Variants in RBFOX1 observed in about 807,000 individuals in gnomAD.
RBFOX1 encodes RNA binding fox-1 homolog 1, also known as RNA binding protein fox-1 homolog 1.
RBFOX1 carries 8 observed loss-of-function variants against 57.7 expected under a neutral mutation model. That is an observed-to-expected ratio of 0.14 (90% CI 0.08 to 0.25). The LOEUF is 0.25. Among genes scored for constraint, RBFOX1 ranks in the 10% least tolerant of loss-of-function variants. RBFOX1 has a pLI of 1.00. For missense variants in RBFOX1, 611 were observed against 548.5 expected (o/e 1.11, Z -1.14); for synonymous variants, 326 against 222.4 (o/e 1.47, Z -4.15).
At chr16:6,902,786 C>T (rs574053268) in intron 3 of RBFOX1, among the ~76,000 whole-genome samples, 17 of 152,258 alleles carry the variant, frequency 1.1e-4, no homozygotes, top group African/African-American at 3.9e-4. Flanking sequence ...CTCATCATGT[C>T]ATCAGAACCA....
At chr16:5,399,589 T>C (rs2066656431) in intron 1 of RBFOX1, among the ~76,000 whole-genome samples, 3 of 152,090 alleles carry the variant, frequency 2.0e-5, no homozygotes, top group African/African-American at 7.2e-5. Context: ...AAAAATTAGC[T>C]GGATGTGGTG....
At chr16:6,915,148 C>T (rs537129128) in intron 3 of RBFOX1, among the ~76,000 whole-genome samples, 1 of 152,192 alleles carries the variant, frequency 6.6e-6, no homozygotes, top group Non-Finnish European at 1.5e-5. Flanking sequence ...GCTCTCCAGA[C>T]TCGGGGTCAA....
At chr16:7,122,243 A>G (rs1378379001) in intron 4 of RBFOX1, among the ~76,000 whole-genome samples, 1 of 152,178 alleles carries the variant, frequency 6.6e-6, no homozygotes, top group Admixed American at 6.5e-5. Context: ...ATATTTGTAA[A>G]CCACTCTTGA....
chr16:6,017,275 A>G (rs1338444149), upstream of RBFOX1, among the ~76,000 whole-genome samples: 2 of 152,254 alleles, frequency 1.3e-5, no homozygotes, highest in Non-Finnish European at 1.5e-5. Context: ...TGCACAAAAC[A>G]GTATATTCCA....
intron 3 of RBFOX1, among the ~76,000 whole-genome samples, chr16:6,956,427 A>G (rs7499744): frequency 1.3e-5 from 2 of 152,092 alleles, no homozygotes; most frequent in Non-Finnish European, 2.9e-5. Context: ...TGAATACTTG[A>G]ATTTGTCAAG....
intron 1 of RBFOX1, among the ~76,000 whole-genome samples, chr16:5,397,879 T>A (rs570243919): frequency 3.3e-5 from 5 of 152,380 alleles, no homozygotes; most frequent in South Asian, 4.1e-4. Flanking sequence ...TGAATTGTCC[T>A]ATGTTCTATG....
At chr16:6,945,673 C>G (rs1199028856) in intron 3 of RBFOX1, among the ~76,000 whole-genome samples, 2 of 152,058 alleles carry the variant, frequency 1.3e-5, no homozygotes, top group Middle Eastern at 3.4e-3. Context: ...GGTGGATTAC[C>G]TGAGGTCAGG....
intron 1 of RBFOX1, among the ~76,000 whole-genome samples, chr16:6,131,103 A>G (rs2096626620): frequency 6.6e-6 from 1 of 152,158 alleles, no homozygotes. Context: ...AGAAAAAACA[A>G]ATTTATGGTG....
intron 4 of RBFOX1, among the ~76,000 whole-genome samples, chr16:7,459,819 C>T (rs1361427692): frequency 1.3e-5 from 2 of 152,100 alleles, no homozygotes; most frequent in East Asian, 3.9e-4. Context: ...CTTTTAGATG[C>T]TTACGGGCCA....
intron 2 of RBFOX1, among the ~76,000 whole-genome samples, chr16:6,490,372 A>G (rs949947089): frequency 6.6e-5 from 10 of 152,116 alleles, no homozygotes; most frequent in African/African-American, 2.2e-4. Flanking sequence ...AACATTTTGT[A>G]TTTTTCAAAA....
chr16:5,373,705 G>A (rs994746288), intron 1 of RBFOX1, among the ~76,000 whole-genome samples: 5 of 149,966 alleles, frequency 3.3e-5, no homozygotes, highest in African/African-American at 9.8e-5. Context: ...CCGGGTTCAG[G>A]CTATTCTCCT....
chr16:6,424,968 AT>A (rs1330519825), intron 2 of RBFOX1, among the ~76,000 whole-genome samples: 3 of 152,236 alleles, frequency 2.0e-5, no homozygotes, highest in African/African-American at 7.2e-5. Flanking sequence ...ACCAAACAGA[AT>A]ACAGGAAAAA....
intron 4 of RBFOX1, among the ~76,000 whole-genome samples, chr16:7,315,373 A>C (rs1043675126): frequency 1.3e-5 from 2 of 152,048 alleles, no homozygotes; most frequent in African/African-American, 4.8e-5. Flanking sequence ...TTAGGAAATA[A>C]ACATGTCATT....
At chr16:6,394,550 A>T (rs2092741172) in intron 2 of RBFOX1, among the ~76,000 whole-genome samples, 1 of 152,142 alleles carries the variant, frequency 6.6e-6, no homozygotes, top group Non-Finnish European at 1.5e-5. Flanking sequence ...TATGCAAAAG[A>T]AACGAGCTAG....
At chr16:5,943,517 C>T (rs1049258455) in intron 4 of RBFOX1, among the ~76,000 whole-genome samples, 40 of 152,126 alleles carry the variant, frequency 2.6e-4, no homozygotes, top group African/African-American at 9.7e-4. Flanking sequence ...CATCCTATGC[C>T]AGAAACAGGA....
chr16:5,485,865 C>G (rs1336251633), intron 2 of RBFOX1, among the ~76,000 whole-genome samples: 1 of 152,170 alleles, frequency 6.6e-6, no homozygotes, highest in Non-Finnish European at 1.5e-5. Context: ...TTACTGAACA[C>G]TGTGATCTTC....
chr16:5,746,094 C>G (rs1416426346), intron 3 of RBFOX1, among the ~76,000 whole-genome samples: 1 of 152,158 alleles, frequency 6.6e-6, no homozygotes, highest in Non-Finnish European at 1.5e-5. Flanking sequence ...AGTCTTGAAT[C>G]CATCTTGAAT....
rs182958312 is a variant in RBFOX1 at position 6,140,264 on chromosome 16, T to A, written c.-127+120272T>A. Among the ~76,000 whole-genome samples, 10 of 151,920 alleles carry A rather than the reference T, an allele frequency of 6.6e-5. No individual in the cohort carries two copies. In the East Asian group the frequency reaches 1.7e-3, roughly 26 times the overall value. ...TGGAGTGCAGTGACTCAATCTTGGC[T>A]CACTGCAGCCTCCACCTCCTGGGTT... On this transcript the variant is annotated intron_variant, in intron 1 of 15. Transcript: ENST00000550418.
At chr16:7,226,984 C>T (rs1002971015) in intron 4 of RBFOX1, among the ~76,000 whole-genome samples, 5 of 152,160 alleles carry the variant, frequency 3.3e-5, no homozygotes, top group African/African-American at 1.2e-4. Context: ...GGCTTGTCTT[C>T]ATCTCTCCAG....
Sources: allele counts gnomAD v4.1 joint callset (sites outside exome capture counted in the v4.1 genomes callset), GRCh38; gene constraint gnomAD v4.1.1; transcripts MANE v1.5; gene names NCBI Gene and HGNC (gene_info 2026-07-23, HGNC 2026-07-21).